The following TLL1 variants were observed in gnomAD, a reference collection of about 807,000 sequenced individuals.
TLL1 encodes the protein tolloid like 1.
Under a neutral mutation model 128.2 loss-of-function variants are expected in TLL1, and 49 were observed. The ratio of observed to expected loss-of-function variants is 0.38; its 90% confidence interval spans 0.30 to 0.48. The LOEUF (loss-of-function observed/expected upper bound fraction) is 0.48. TLL1 is among the 20% of genes least tolerant of loss of function. The pLI, the probability that TLL1 is intolerant of heterozygous loss-of-function variation, is 0.96. For missense variants in TLL1, 1,123 were observed against 1,242.0 expected, an observed-to-expected ratio of 0.90 and a Z score of 1.44; for synonymous variants, 454 against 418.8, an observed-to-expected ratio of 1.08 and a Z score of -1.03.
At chr4:165,931,493 C>G (rs113776365) in intron 1 of TLL1, among the ~76,000 whole-genome samples, 4 of 151,580 alleles carry the variant, frequency 2.6e-5, no homozygotes, top group Admixed American at 1.3e-4. Flanking sequence ...CCAAGGCGGG[C>G]GGATCACGAG....
At chr4:166,018,706 C>T (rs558297629) in intron 8 of TLL1, among the ~76,000 whole-genome samples, 30 of 152,058 alleles carry the variant, frequency 2.0e-4, no homozygotes, top group African/African-American at 6.7e-4. Context: ...TGAAAAAATG[C>T]TCATCATTGC....
intron 1 of TLL1, among the ~76,000 whole-genome samples, chr4:165,947,844 ACT>A (rs1734328795): frequency 6.6e-6 from 1 of 152,108 alleles, no homozygotes; most frequent in Non-Finnish European, 1.5e-5. Context: ...TTAATGCCAA[ACT>A]CACAAGATTG....
intron 1 of TLL1, among the ~76,000 whole-genome samples, chr4:165,937,854 C>CA (rs1733834581): frequency 1.5e-5 from 1 of 66,806 alleles, no homozygotes; most frequent in African/African-American, 1.5e-4. Flanking sequence ...CCCTTCCCCA[C>CA]CCCCCCCCCA....
intron 17 of TLL1, among the ~76,000 whole-genome samples, chr4:166,076,390 T>C (rs1190639828): frequency 6.6e-6 from 1 of 152,128 alleles, no homozygotes; most frequent in Non-Finnish European, 1.5e-5. Context: ...TTATTTTTTG[T>C]TTTGCAGACA....
In TLL1 at chr4:165,924,380, T is replaced by A. The variant is rs141495818; in HGVS notation, c.169+50307T>A. ...ATGATAAGAAAGCAAAACAGCTTAT[T>A]TCTGATATGGAGAAAATTTAAGTGG... On this transcript the variant is annotated intron_variant, in intron 1 of 20. Transcript: ENST00000061240. 1.0e-3 allele frequency among the ~76,000 whole-genome samples: 158 copies of A among 152,284 alleles called. No homozygotes were observed. In the East Asian group the frequency reaches 0.028, roughly 27 times the overall value.
chr4:166,063,159 C>A (rs534852008), intron 15 of TLL1, among the ~76,000 whole-genome samples: 1 of 152,190 alleles, frequency 6.6e-6, no homozygotes, highest in East Asian at 1.9e-4. Context: ...AATCAAACAA[C>A]CCCATCAAAA....
At chr4:165,939,839 G>C (rs1733924536) in intron 1 of TLL1, among the ~76,000 whole-genome samples, 1 of 152,020 alleles carries the variant, frequency 6.6e-6, no homozygotes, top group Non-Finnish European at 1.5e-5. Flanking sequence ...GAAATGGGAA[G>C]TCTACAGCAG....
At chr4:165,935,896 A>G (rs72970182) in intron 1 of TLL1, among the ~76,000 whole-genome samples, 6,024 of 152,144 alleles carry the variant, frequency 0.04, 364 homozygotes, top group African/African-American at 0.13. Flanking sequence ...AATGCATTCA[A>G]CCTGTTCCTC....
chr4:166,035,063 T>G (rs1235367278), intron 9 of TLL1, among the ~76,000 whole-genome samples: 2 of 152,202 alleles, frequency 1.3e-5, no homozygotes, highest in Non-Finnish European at 2.9e-5. Context: ...TTCTTAATAC[T>G]ATCACTTTGA....
intron 1 of TLL1, among the ~76,000 whole-genome samples, chr4:165,964,769 C>G (rs1048002298): frequency 3.3e-5 from 5 of 151,950 alleles, no homozygotes; most frequent in Admixed American, 2.6e-4. Context: ...TCTACAGAAA[C>G]AAAAATCACC....
At chr4:165,971,559 C>T (rs982433216) in intron 1 of TLL1, among the ~76,000 whole-genome samples, 2 of 152,130 alleles carry the variant, frequency 1.3e-5, no homozygotes, top group African/African-American at 4.8e-5. Context: ...GCATTCTTGC[C>T]ATGGCTTCTG....
chr4:165,928,615 A>C (rs922963028), intron 1 of TLL1, among the ~76,000 whole-genome samples: 7 of 152,242 alleles, frequency 4.6e-5, no homozygotes, highest in Admixed American at 3.9e-4. Context: ...CACTGAATAA[A>C]AATATTCTTT....
intron 18 of TLL1, among the ~76,000 whole-genome samples, chr4:166,088,589 C>T (rs1741624616): frequency 6.6e-6 from 1 of 152,024 alleles, no homozygotes; most frequent in Non-Finnish European, 1.5e-5. Flanking sequence ...CCAGCCTTGG[C>T]ATTTGACCTA....
At chr4:166,072,616 T>A (rs1740844963) in intron 16 of TLL1, among the ~76,000 whole-genome samples, 1 of 151,914 alleles carries the variant, frequency 6.6e-6, no homozygotes. Context: ...TTAATTATAC[T>A]CAAAAATATG....
intron 8 of TLL1, among the ~76,000 whole-genome samples, chr4:166,016,097 GCTGTTTA>G (rs1243896496): frequency 6.6e-6 from 1 of 151,818 alleles, no homozygotes; most frequent in Non-Finnish European, 1.5e-5. Context: ...ATTACTTCAT[GCTGTTTA>G]CTGAAGTTGC....
Position 165,878,880 on chromosome 4 carries a change from A to G in TLL1, c.169+4807A>G, listed in dbSNP as rs142120461. On this transcript the variant is annotated intron_variant, in intron 1 of 20. Coordinates refer to ENST00000061240, the MANE Select transcript of TLL1 (RefSeq NM_012464.5). ...GAAAAGGCTTTTTGAAAAAGTTAAC[A>G]TAATTCCACAGCTTTCCCTCTTACC... Among the ~76,000 whole-genome samples, 619 of 146,518 alleles carry G rather than the reference A, an allele frequency of 4.2e-3. 4 individuals are homozygous for G. The highest frequency in any genetic ancestry group is 0.014 in the African/African-American group (573 of 39,662).
chr4:166,027,537 A>G (rs942518650), intron 9 of TLL1, among the ~76,000 whole-genome samples: 12 of 152,322 alleles, frequency 7.9e-5, no homozygotes, highest in Admixed American at 3.3e-4. Flanking sequence ...CTTGGAATAC[A>G]TGAATGCATG....
In TLL1 at chr4:165,974,171, C is replaced by T. The variant is rs1285506149; in HGVS notation, c.170-15210C>T. ...TTTTTTTTTTTTTGAGACGGAGTCT[C>T]GCTCTGTCGCCCAGGCTGGAGTGCA... On this transcript the variant is annotated intron_variant, in intron 1 of 20. Transcript: ENST00000061240. Among the ~76,000 whole-genome samples, 10 of 87,366 alleles carry T rather than the reference C, an allele frequency of 1.1e-4. No homozygotes were observed. The Admixed American group carries it at 1.5e-3, about 13-fold the overall frequency. The allele number at this position is 87,366 out of a possible 152,430, so 57.3% of individuals were successfully genotyped here. A position where few individuals can be genotyped will look rare whatever the true frequency, so the allele number is the denominator to read the frequency against.
At chr4:165,924,796 G>C (rs969889741) in intron 1 of TLL1, among the ~76,000 whole-genome samples, 1 of 152,178 alleles carries the variant, frequency 6.6e-6, no homozygotes, top group Non-Finnish European at 1.5e-5. Flanking sequence ...AGGACAGGCT[G>C]ACTCTTTTGT....
Sources: gnomAD v4.1 joint callset for allele counts (sites outside exome capture counted in the v4.1 genomes callset) on GRCh38, gnomAD v4.1.1 for gene constraint, MANE v1.5 for transcripts, NCBI Gene and HGNC (gene_info 2026-07-23, HGNC 2026-07-21) for gene names.